YTHDF1: variants seen among roughly 807,000 people sequenced by gnomAD.
The protein encoded by YTHDF1 is YTH N6-methyladenosine RNA binding protein F1, also known as YTH domain-containing family protein 1.
In YTHDF1, 16 loss-of-function variants were observed where a neutral mutation model predicts 49.1. That is an observed-to-expected ratio of 0.33 (90% CI 0.22 to 0.49). The LOEUF (loss-of-function observed/expected upper bound fraction) is 0.49, where lower values mean the gene tolerates loss of function less well. Ranked by LOEUF, YTHDF1 falls within the 20% of genes least tolerant of loss-of-function variation. YTHDF1 has a pLI of 0.99. For synonymous variants in YTHDF1, 313 were observed against 290.1 expected (o/e 1.08, Z -0.80); for missense variants, 621 against 744.3 (o/e 0.83, Z 1.93).
At chr20:63,213,362 G>A (rs551391093) in intron 3 of YTHDF1, among the ~76,000 whole-genome samples, 1 of 152,196 alleles carries the variant, frequency 6.6e-6, no homozygotes, top group African/African-American at 2.4e-5. Flanking sequence ...AACCCGGGAG[G>A]CAGAGGCTGC....
chr20:63,206,043 G>C (rs1266175590), intron 3 of YTHDF1, among the ~76,000 whole-genome samples: 1 of 151,718 alleles, frequency 6.6e-6, no homozygotes, highest in Admixed American at 6.6e-5. Context: ...AATCAGGGGG[G>C]CGGTCTGTGC....
rs2066522319 is a variant in YTHDF1, at chr20:63,202,504, A to G, written c.1436T>C (p.Ile479Thr). ...KWKGKFDVQW[I>T]FVKDVPNNQL... is the part of the protein sequence containing the mutation. Reference sequence around the variant, plus strand: ...GTTATTGGGTACATCCTTAACAAAAATCCACTGGACATCAAACTTCCCCTT... The same window carrying G: ...GTTATTGGGTACATCCTTAACAAAAGTCCACTGGACATCAAACTTCCCCTT... Residue 479 changes from isoleucine (I) to threonine (T), a missense_variant, in exon 4 of 5, where the codon ATT becomes ACT. This residue lies in a region of YTHDF1 where 151 missense variants were observed against 248.5 expected (regional missense o/e 0.61). Transcript: ENST00000370339. 1 of 1,614,208 alleles carries G rather than the reference A, an allele frequency of 6.2e-7. No homozygotes were observed. The highest frequency in any genetic ancestry group is 8.5e-7 in the Non-Finnish European group (1 of 1,180,020).
At chr20:63,198,774 G>T (rs1020008779) in intron 4 of YTHDF1, among the ~76,000 whole-genome samples, 2 of 152,204 alleles carry the variant, frequency 1.3e-5, no homozygotes, top group African/African-American at 4.8e-5. Flanking sequence ...GAGCCGGCCT[G>T]GAGGTCGAAG....
At chr20:63,204,616 C>CA (rs2066536797) in intron 3 of YTHDF1, among the ~76,000 whole-genome samples, 1 of 152,204 alleles carries the variant, frequency 6.6e-6, no homozygotes, top group South Asian at 2.1e-4. Context: ...CTCTGGATGC[C>CA]AACTCACCTG....
chr20:63,210,240 G>C (rs1158170978), intron 3 of YTHDF1, among the ~76,000 whole-genome samples: 1 of 152,156 alleles, frequency 6.6e-6, no homozygotes, highest in African/African-American at 2.4e-5. Context: ...GGCAGCACAG[G>C]TACAGGCATG....
Position 63,202,488 on chromosome 20 carries a change from T to A in YTHDF1, c.1452A>T (p.Val484=). The A allele has an allele frequency of 1.9e-6, 3 of 1,614,250 alleles. No homozygotes were observed. Among genetic ancestry groups the A allele is most frequent in the Non-Finnish European group, 2.5e-6 (3 of 1,180,034 alleles). Residue 484 remains valine (V), a synonymous_variant, in exon 4 of 5, where the codon GTA becomes GTT. Transcript: ENST00000370339. ...FDVQWIFVKD[V]PNNQLRHIRL... is the part of the protein sequence containing the mutation. ...TGATGTGCCGGAGCTGGTTATTGGGTACATCCTTAACAAAAATCCACTGGA... is the reference window on the plus strand; with the variant it reads ...TGATGTGCCGGAGCTGGTTATTGGGAACATCCTTAACAAAAATCCACTGGA...
rs1444027673 is a variant in YTHDF1 at position 63,196,429 on chromosome 20, G to A, written c.*279C>T. ...TAAGAACACAATTTCTGCCAAAATA[G>A]ATGCTTTGTTTTTAAGGATACTTAC... On this transcript the variant is annotated 3_prime_UTR_variant, in exon 5 of 5. Transcript: ENST00000370339. The A allele has an allele frequency of 3.3e-6, 1 of 307,234 alleles. No homozygotes were observed. The highest frequency in any genetic ancestry group is 5.0e-5 in the Admixed American group (1 of 20,016). The allele number at this position is 307,234 out of a possible 1,614,324, so 19.0% of individuals were successfully genotyped here.
chr20:63,211,433 C>T lies in YTHDF1; in HGVS notation c.132+2431G>A, dbSNP rs563292914. On this transcript the variant is annotated intron_variant, in intron 3 of 4. Coordinates refer to ENST00000370339, the MANE Select transcript of YTHDF1 (RefSeq NM_017798.4). ...TGAGCCATGATCACATCATGCACTC[C>T]AGCCTGGGCAATGGAGTGAGACCCT... Among the ~76,000 whole-genome samples, 4 of 152,292 alleles carry T rather than the reference C, an allele frequency of 2.6e-5. No homozygotes were observed. In the South Asian group the frequency reaches 8.3e-4, roughly 32 times the overall value.
chr20:63,202,979 G>C lies in YTHDF1; in HGVS notation c.961C>G (p.Gln321Glu). The change falls in exon 4 of 5, where the codon CAG (glutamine) becomes GAG (glutamate). Residue 321 changes from glutamine (Q) to glutamate (E), a missense_variant. By Grantham distance (29) the Gln-to-Glu change is conservative (BLOSUM62 2). Transcript: ENST00000370339. ...ALAQPQYQSP[Q>E]QPPQTRWVAP... is the part of the protein sequence containing the mutation. ...ACCCAGCGGGTCTGGGGTGGCTGCT[G>C]AGGGCTCTGATACTGCGGTTGAGCC... 6.2e-7 allele frequency: 1 copy of C among 1,613,614 alleles called. No individual in the cohort carries two copies. Among genetic ancestry groups the C allele is most frequent in the Non-Finnish European group, 8.5e-7 (1 of 1,180,016 alleles).
rs757278058 is a variant in YTHDF1 at position 63,203,541 on chromosome 20, C to G, written c.399G>C (p.Gly133=). The change falls in exon 4 of 5, where the codon GGG becomes GGC. Residue 133 remains glycine (G), a synonymous_variant. Coordinates refer to ENST00000370339, the MANE Select transcript of YTHDF1 (RefSeq NM_017798.4). This position sits in a 1 kb window ranked among gnomAD's most constrained non-coding sequence, Gnocchi z 4.4. ...FPENPAFSAW[G]TSGSQGQQTQ... is the part of the protein sequence containing the mutation. ...TCTGCTGACCTTGAGACCCACTTGT[C>G]CCCCATGCTGAGAACGCAGGGTTTT... 6.2e-7 allele frequency: 1 copy of G among 1,614,054 alleles called. No homozygotes were observed. Among genetic ancestry groups the G allele is most frequent in the Non-Finnish European group, 8.5e-7 (1 of 1,180,032 alleles).
rs1012233269 is a variant in YTHDF1 at position 63,195,626 on chromosome 20, G to A, written c.*1082C>T. On this transcript the variant is annotated 3_prime_UTR_variant, in exon 5 of 5. Coordinates refer to ENST00000370339, the MANE Select transcript of YTHDF1 (RefSeq NM_017798.4). ...TCAGAAAGCGTCTGCTCTCTAGGAC[G>A]GTAAGGATCCTCTACAAGGGCACGT... The A allele has an allele frequency of 2.6e-5, 4 of 152,506 alleles. No homozygotes were observed. Among genetic ancestry groups the A allele is most frequent in the Non-Finnish European group, 4.4e-5 (3 of 68,018 alleles). The allele number at this position is 152,506 out of a possible 1,614,324, so 9.4% of individuals were successfully genotyped here. A position where few individuals can be genotyped will look rare whatever the true frequency, so the allele number is the denominator to read the frequency against.
chr20:63,211,908 AATC>A (rs1236785411), intron 3 of YTHDF1, among the ~76,000 whole-genome samples: 1 of 151,740 alleles, frequency 6.6e-6, no homozygotes, highest in Non-Finnish European at 1.5e-5. Context: ...AGTGAGCTAT[AATC>A]ATGCCCCTGA....
intron 3 of YTHDF1, among the ~76,000 whole-genome samples, chr20:63,204,160 G>A (rs1045956380): frequency 1.6e-4 from 25 of 152,204 alleles, no homozygotes; most frequent in African/African-American, 5.8e-4. Flanking sequence ...GCCTGCTGAC[G>A]ACAACGCTTA....
chr20:63,216,113 T>TGGCGGCGGC lies in YTHDF1; in HGVS notation c.-230_-222dup, dbSNP rs911387070. ...CGCACTGAGGAGGCGTCGACTCCAA[T>TGGCGGCGGC]GGCGGCGGCGGCGGCGACAGCAGCG... On this transcript the variant is annotated 5_prime_UTR_variant, in exon 1 of 5. Coordinates refer to ENST00000370339, the MANE Select transcript of YTHDF1 (RefSeq NM_017798.4). 2 of 176,912 alleles carry TGGCGGCGGC rather than the reference T, an allele frequency of 1.1e-5. No homozygotes were observed. The highest frequency in any genetic ancestry group is 4.9e-5 in the African/African-American group (2 of 41,034). The allele number at this position is 176,912 out of a possible 1,614,324, so 11.0% of individuals were successfully genotyped here. A position where few individuals can be genotyped will look rare whatever the true frequency, so the allele number is the denominator to read the frequency against.
At chr20:63,206,466 G>A (rs1356581079) in intron 3 of YTHDF1, among the ~76,000 whole-genome samples, 3 of 152,226 alleles carry the variant, frequency 2.0e-5, no homozygotes, top group African/African-American at 7.2e-5. Context: ...CACAGACAGA[G>A]AGCCCATAAA....
At position 63,202,777 on chromosome 20, in the gene YTHDF1, C is replaced by T. The variant is rs764247974; in HGVS notation, c.1163G>A (p.Ser388Asn). 12 of 1,614,044 alleles carry T rather than the reference C, an allele frequency of 7.4e-6. No homozygotes were observed. Among genetic ancestry groups the T allele is most frequent in the Non-Finnish European group, 1.0e-5 (12 of 1,180,058 alleles). ...NPKEFEWNLK[S>N]GRVFIIKSYS... ...GCTCTTGATGATGAACACACGCCCGCTTTTCAGATTCCACTCAAACTCTTT... is the reference window on the plus strand; with the variant it reads ...GCTCTTGATGATGAACACACGCCCGTTTTTCAGATTCCACTCAAACTCTTT... Residue 388 changes from serine to asparagine, a missense_variant, in exon 4 of 5, where the codon AGC (serine) becomes AAC (asparagine). Ser to Asn is a conservative substitution (Grantham distance 46). This residue lies in a region of YTHDF1 where 151 missense variants were observed against 248.5 expected (regional missense o/e 0.61). Transcript: ENST00000370339.
At chr20:63,199,971 T>C (rs559292670) in intron 4 of YTHDF1, among the ~76,000 whole-genome samples, 38 of 152,032 alleles carry the variant, frequency 2.5e-4, no homozygotes, top group African/African-American at 8.2e-4. Context: ...GGAAGACCGC[T>C]TGAGCCCAGG....
At chr20:63,210,141 C>T (rs1452168577) in intron 3 of YTHDF1, among the ~76,000 whole-genome samples, 2 of 152,194 alleles carry the variant, frequency 1.3e-5, no homozygotes, top group South Asian at 2.1e-4. Flanking sequence ...GTAGCTCCAA[C>T]GTCACCAGGT....
intron 4 of YTHDF1, among the ~76,000 whole-genome samples, chr20:63,199,622 C>T (rs765879665): frequency 6.6e-6 from 1 of 152,162 alleles, no homozygotes; most frequent in African/African-American, 2.4e-5. Context: ...ACCTAAGACT[C>T]CAATCCTGGA....
Sources: allele counts gnomAD v4.1 joint callset (sites outside exome capture counted in the v4.1 genomes callset), GRCh38; gene constraint gnomAD v4.1.1; regional missense constraint gnomAD v4.1.1; non-coding constraint Gnocchi (gnomAD v3.1); transcripts MANE v1.5; gene names NCBI Gene and HGNC (gene_info 2026-07-23, HGNC 2026-07-21).